OOEP: variants seen among roughly 807,000 people sequenced by gnomAD.
OOEP encodes oocyte expressed protein.
OOEP carries 16 observed loss-of-function variants against 13.7 expected under a neutral mutation model. The observed-to-expected ratio is 1.16, with a 90% confidence interval of 0.79 to 1.77. The LOEUF (loss-of-function observed/expected upper bound fraction) is 1.77, where lower values mean the gene tolerates loss of function less well. Ranked by LOEUF, OOEP falls within the 40% of genes most tolerant of loss-of-function variation. The pLI, the probability that OOEP is intolerant of heterozygous loss-of-function variation, is 0.00. For synonymous variants in OOEP, 89 were observed against 77.1 expected (o/e 1.15, Z -0.81); for missense variants, 195 against 193.1 (o/e 1.01, Z -0.06).
chr6:73,372,901 T>C (rs1769080696), upstream of OOEP, among the ~76,000 whole-genome samples: 1 of 149,014 alleles, frequency 6.7e-6, no homozygotes, highest in Non-Finnish European at 1.5e-5. Flanking sequence ...CCTTCTCTTT[T>C]TCTTTCCTTT....
chr6:73,391,298 G>A (rs1436488322), intron 2 of OOEP: 1 of 152,638 alleles, frequency 6.6e-6, no homozygotes, highest in Non-Finnish European at 1.5e-5. Context: ...ATAACAAAGA[G>A]CTTTCTTATA....
chr6:73,383,893 C>T (rs955270812), intron 2 of OOEP, among the ~76,000 whole-genome samples: 1 of 151,838 alleles, frequency 6.6e-6, no homozygotes, highest in African/African-American at 2.4e-5. Context: ...CCCAGGAATT[C>T]AAGACCAGCC....
Position 73,390,743 on chromosome 6 carries a change from AT to A in OOEP, c.25+3602del, listed in dbSNP as rs1333886238. On this transcript the variant is annotated intron_variant, in intron 2 of 3. Transcript: ENST00000370363. The stretch of plus-strand genomic sequence containing the variant: ...AAGCATGCACCACCATGCCCAGCTA[AT>A]TTTTTTTTTCTTTTTTTTTCTTTTT... Among the ~76,000 whole-genome samples the A allele has an allele frequency of 2.0e-3, 288 of 144,460 alleles. 1 individual carries two copies. Among genetic ancestry groups the A allele is most frequent in the Middle Eastern group, 7.1e-3 (2 of 280 alleles). The allele number at this position is 144,460 out of a possible 152,430, so 94.8% of individuals were successfully genotyped here. A position where few individuals can be genotyped will look rare whatever the true frequency, so the allele number is the denominator to read the frequency against.
At chr6:73,376,585 GCCTCAGCCTC>G (rs1769143152) in intron 2 of OOEP, among the ~76,000 whole-genome samples, 1 of 152,026 alleles carries the variant, frequency 6.6e-6, no homozygotes, top group Non-Finnish European at 1.5e-5. Flanking sequence ...CAATTCTCCT[GCCTCAGCCTC>G]CAGAGTAGCT....
chr6:73,388,611 A>T (rs1383655662), intron 2 of OOEP, among the ~76,000 whole-genome samples: 1 of 152,200 alleles, frequency 6.6e-6, no homozygotes, highest in Non-Finnish European at 1.5e-5. Context: ...GCAAAGTGGC[A>T]GAACAGAAAA....
chr6:73,389,154 C>G lies in OOEP; in HGVS notation c.25+5192G>C, dbSNP rs963088083. Among the ~76,000 whole-genome samples, 6 of 152,294 alleles carry G rather than the reference C, an allele frequency of 3.9e-5. No homozygotes were observed. In the East Asian group the frequency reaches 1.2e-3, roughly 29 times the overall value. Reference sequence around the variant, plus strand: ...CTTTGAGGAAGCCAGAGGCTTCGGACAGAAGAAACCGCCTGGCAGGCGGAG... The same window carrying G: ...CTTTGAGGAAGCCAGAGGCTTCGGAGAGAAGAAACCGCCTGGCAGGCGGAG... On this transcript the variant is annotated intron_variant, in intron 2 of 3. Transcript: ENST00000370363.
At chr6:73,394,828 A>ACGTAAGAC in exon 1 of OOEP, 3 of 1,558,552 alleles carry the variant, frequency 1.9e-6, no homozygotes, top group Non-Finnish European at 2.6e-6. Context: ...CTTCCCTGGC[A>ACGTAAGAC]CGCTACTCTT....
At chr6:73,382,990 C>T (rs908480862) in intron 2 of OOEP, among the ~76,000 whole-genome samples, 6 of 151,590 alleles carry the variant, frequency 4.0e-5, no homozygotes, top group Admixed American at 2.6e-4. Flanking sequence ...GCATGCGCCA[C>T]CATGCACGTC....
intron 1 of OOEP, chr6:73,394,575 G>A (rs1018773946): frequency 2.9e-5 from 13 of 441,700 alleles, no homozygotes; most frequent in Non-Finnish European, 4.9e-5. Context: ...GAGCAAATTG[G>A]GCGTTTGGAA....
intron 2 of OOEP, among the ~76,000 whole-genome samples, chr6:73,386,437 A>T (rs922026378): frequency 1.3e-5 from 2 of 152,070 alleles, no homozygotes; most frequent in African/African-American, 4.8e-5. Context: ...GAATCCACCA[A>T]AAAATAAACA....
At position 73,368,683 on chromosome 6, in the gene OOEP, A is replaced by C. The variant is rs1003818984; in HGVS notation, c.*101T>G. 6.6e-6 allele frequency: 5 copies of C among 758,212 alleles called. No homozygotes were observed. In the Admixed American group the frequency reaches 1.1e-4, roughly 16 times the overall value. The allele number at this position is 758,212 out of a possible 1,614,324, so 47.0% of individuals were successfully genotyped here. ...AAACCACAATCCATCAAGACACAGG[A>C]AAAAGGAATACGGGGATTTAAGAAT... On this transcript the variant is annotated 3_prime_UTR_variant, in exon 3 of 3. Coordinates refer to ENST00000370359, the MANE Select transcript of OOEP (RefSeq NM_001080507.3).
chr6:73,369,897 C>G lies in OOEP; in HGVS notation c.-105G>C. The G allele has an allele frequency of 9.3e-7, 1 of 1,079,600 alleles. No individual in the cohort carries two copies. The highest frequency in any genetic ancestry group is 1.3e-6 in the Non-Finnish European group (1 of 745,440). 66.9% of individuals were successfully genotyped at this position (1,079,600 alleles called of 1,614,324 possible). A position where few individuals can be genotyped will look rare whatever the true frequency, so the allele number is the denominator to read the frequency against. On this transcript the variant is annotated 5_prime_UTR_variant, in exon 1 of 3. Coordinates refer to ENST00000370359, the MANE Select transcript of OOEP (RefSeq NM_001080507.3). ...CTCTTTTACCATATTCGACCCGCTCCGCCCCTTCCGGCGGCGCCTCGCACC... is the reference window on the plus strand; with the variant it reads ...CTCTTTTACCATATTCGACCCGCTCGGCCCCTTCCGGCGGCGCCTCGCACC...
upstream of OOEP, among the ~76,000 whole-genome samples, chr6:73,371,750 CA>C (rs1273873710): frequency 8.3e-6 from 1 of 119,872 alleles, no homozygotes; most frequent in African/African-American, 3.0e-5. Context: ...AACTCTGTCT[CA>C]AAAATAAAAA....
At chr6:73,394,455 A>C in exon 2 of OOEP, 1 of 697,678 alleles carries the variant, frequency 1.4e-6, no homozygotes, top group Non-Finnish European at 2.6e-6. Flanking sequence ...CAAGAGTTCA[A>C]GACCTGCCTG....
chr6:73,380,585 A>T (rs1582627324), intron 2 of OOEP, among the ~76,000 whole-genome samples: 3 of 152,340 alleles, frequency 2.0e-5, no homozygotes, highest in Admixed American at 2.0e-4. Flanking sequence ...TTCCATTTAT[A>T]TAAAGTTCAG....
intron 2 of OOEP, among the ~76,000 whole-genome samples, chr6:73,384,303 CAT>C (rs1769242837): frequency 6.9e-6 from 1 of 143,954 alleles, no homozygotes; most frequent in African/African-American, 2.5e-5. Flanking sequence ...GTAATGACAA[CAT>C]TTCCGACAAA....
chr6:73,395,021 G>A (rs1175685105), exon 1 of OOEP: 1 of 1,614,264 alleles, frequency 6.2e-7, no homozygotes, highest in Non-Finnish European at 8.5e-7. Context: ...AATCGAACAG[G>A]TCCTGAGGGA....
At chr6:73,393,645 G>A (rs1363208577) in intron 2 of OOEP, among the ~76,000 whole-genome samples, 1 of 152,092 alleles carries the variant, frequency 6.6e-6, no homozygotes, top group Non-Finnish European at 1.5e-5. Flanking sequence ...GGCAACATAG[G>A]GAGGTCTTGT....
At chr6:73,370,172 A>G (rs1769028935), upstream of OOEP, 4 of 199,122 alleles carry the variant, frequency 2.0e-5, no homozygotes, top group South Asian at 3.3e-4. Context: ...TAGACTGGGA[A>G]TCACCTTTGC....
Sources: allele counts gnomAD v4.1 joint callset (sites outside exome capture counted in the v4.1 genomes callset), GRCh38; gene constraint gnomAD v4.1.1; transcripts MANE v1.5; gene names NCBI Gene and HGNC (gene_info 2026-07-23, HGNC 2026-07-21).